The following IL1RAPL2 variants were observed in gnomAD, a reference collection of about 807,000 sequenced individuals.
The protein encoded by IL1RAPL2 is interleukin 1 receptor accessory protein like 2, also known as X-linked interleukin-1 receptor accessory protein-like 2.
In IL1RAPL2, 3 loss-of-function variants were observed where a neutral mutation model predicts 44.1. The observed-to-expected ratio is 0.07, with a 90% CI of 0.03 to 0.18. The LOEUF (loss-of-function observed/expected upper bound fraction) is 0.18. Among genes scored for constraint, IL1RAPL2 ranks in the 10% least tolerant of loss-of-function variants. The probability of loss-of-function intolerance (pLI) is 1.00; values close to 1 mark genes in which losing one functional copy is unlikely to be tolerated. For missense variants in IL1RAPL2, 391 were observed against 496.4 expected (o/e 0.79, Z 2.02); for synonymous variants, 181 against 178.8 (o/e 1.01, Z -0.10).
intron 6 of IL1RAPL2, among the ~76,000 whole-genome samples, chrX:105,555,085 T>C (rs1348526834): frequency 9.1e-5 from 10 of 109,481 alleles, no homozygotes; most frequent in Non-Finnish European, 1.9e-4. Flanking sequence ...TGTTTTTTTT[T>C]TTTTTTTTCT....
chrX:105,560,331 A>G (rs903322031), intron 6 of IL1RAPL2, among the ~76,000 whole-genome samples: 1 of 112,281 alleles, frequency 8.9e-6, no homozygotes, highest in Non-Finnish European at 1.9e-5. Context: ...TGTGGGCGAC[A>G]TCTTGCACCC....
At chrX:104,848,703 A>G (rs1252494840) in intron 2 of IL1RAPL2, among the ~76,000 whole-genome samples, 1 of 108,538 alleles carries the variant, frequency 9.2e-6, no homozygotes, top group East Asian at 2.9e-4. Context: ...TAATCTAGGA[A>G]GAACTTTTGA....
At chrX:104,931,814 A>C (rs2147697433) in intron 2 of IL1RAPL2, among the ~76,000 whole-genome samples, 1 of 109,941 alleles carries the variant, frequency 9.1e-6, no homozygotes, top group Admixed American at 9.8e-5. Flanking sequence ...TCCTATGCTA[A>C]ATTAAAATAA....
chrX:104,741,212 G>GT (rs748603337), intron 2 of IL1RAPL2, among the ~76,000 whole-genome samples: 1 of 111,404 alleles, frequency 9.0e-6, no homozygotes, highest in Non-Finnish European at 1.9e-5. Context: ...TTAAATTGGA[G>GT]TTTCTCTAGT....
At chrX:105,187,529 A>T (rs1284157759) in intron 2 of IL1RAPL2, among the ~76,000 whole-genome samples, 1 of 112,246 alleles carries the variant, frequency 8.9e-6, no homozygotes, top group East Asian at 2.8e-4. Flanking sequence ...ATACACACAC[A>T]CAATGGAATA....
intron 6 of IL1RAPL2, among the ~76,000 whole-genome samples, chrX:105,580,096 G>T (rs1326788533): frequency 8.9e-6 from 1 of 111,859 alleles, no homozygotes; most frequent in Non-Finnish European, 1.9e-5. Context: ...ACACTCAGTA[G>T]ATGTGTTGGT....
At chrX:105,125,101 T>C (rs1204722941) in intron 2 of IL1RAPL2, among the ~76,000 whole-genome samples, 1 of 110,935 alleles carries the variant, frequency 9.0e-6, no homozygotes, top group Non-Finnish European at 1.9e-5. Context: ...TTTAAGCTGC[T>C]TGTTGTTGAT....
chrX:104,872,814 C>T (rs1922801928), intron 2 of IL1RAPL2, among the ~76,000 whole-genome samples: 1 of 110,957 alleles, frequency 9.0e-6, no homozygotes, highest in East Asian at 2.8e-4. Context: ...AACCCATGAC[C>T]TATTTATATC....
intron 6 of IL1RAPL2, among the ~76,000 whole-genome samples, chrX:105,553,408 TA>T (rs1306621872): frequency 9.0e-6 from 1 of 111,585 alleles, no homozygotes; most frequent in African/African-American, 3.3e-5. Flanking sequence ...AGAAAGTAGC[TA>T]AAAGGAATTT....
At chrX:104,608,752 T>A (rs1401181764) in intron 1 of IL1RAPL2, among the ~76,000 whole-genome samples, 1 of 104,560 alleles carries the variant, frequency 9.6e-6, no homozygotes, top group Non-Finnish European at 1.9e-5. Flanking sequence ...TCTTTGCACA[T>A]GAGATGGGTC....
At chrX:105,499,871 TACCA>T (rs2036380919) in intron 6 of IL1RAPL2, among the ~76,000 whole-genome samples, 1 of 111,876 alleles carries the variant, frequency 8.9e-6, no homozygotes, top group Non-Finnish European at 1.9e-5. Context: ...AAAATAAAAC[TACCA>T]TATCATCCAG....
At chrX:104,623,116 T>C (rs1363372082) in intron 1 of IL1RAPL2, among the ~76,000 whole-genome samples, 1 of 111,426 alleles carries the variant, frequency 9.0e-6, no homozygotes, top group African/African-American at 3.3e-5. Context: ...AAGTTGCTTG[T>C]ATTTATCCAC....
intron 5 of IL1RAPL2, among the ~76,000 whole-genome samples, chrX:105,325,152 T>G (rs1318147118): frequency 9.0e-6 from 1 of 111,498 alleles, no homozygotes; most frequent in Non-Finnish European, 1.9e-5. Context: ...AGCCCAATTT[T>G]AGCATATTTC....
intron 4 of IL1RAPL2, among the ~76,000 whole-genome samples, chrX:105,257,177 C>T: frequency 8.9e-6 from 1 of 111,862 alleles, no homozygotes; most frequent in Non-Finnish European, 1.9e-5. Flanking sequence ...TTAATTTCTG[C>T]CTTTATTTCA....
intron 2 of IL1RAPL2, among the ~76,000 whole-genome samples, chrX:104,717,913 T>C (rs1181790425): frequency 9.1e-6 from 1 of 110,441 alleles, no homozygotes; most frequent in Admixed American, 9.7e-5. Context: ...GCTTCATCCA[T>C]GTCCCTACAA....
In IL1RAPL2 at chrX:105,018,311, A is replaced by G. The variant is rs960480732; in HGVS notation, c.83-177164A>G. 3.6e-5 allele frequency among the ~76,000 whole-genome samples: 4 copies of G among 111,053 alleles called. No individual in the cohort carries two copies. The Admixed American group carries it at 3.8e-4, about 11-fold the overall frequency. On this transcript the variant is annotated intron_variant, in intron 2 of 10. Transcript: ENST00000372582. ...AGCCATGAATGAACACATCATGGTT[A>G]TTTGTTATCCTGTGACTTTTTATGT...
intron 2 of IL1RAPL2, among the ~76,000 whole-genome samples, chrX:105,107,415 A>G (rs1233184122): frequency 8.9e-6 from 1 of 112,350 alleles, no homozygotes; most frequent in Non-Finnish European, 1.9e-5. Context: ...AAAATAGGAA[A>G]ACAGCTGGCT....
chrX:105,198,645 T>C (rs1014669165), intron 3 of IL1RAPL2, among the ~76,000 whole-genome samples: 4 of 112,114 alleles, frequency 3.6e-5, no homozygotes, highest in Non-Finnish European at 7.5e-5. Flanking sequence ...GCCTCTTTTC[T>C]GTTTCAGTAT....
intron 2 of IL1RAPL2, among the ~76,000 whole-genome samples, chrX:105,133,693 C>T (rs1003222179): frequency 5.4e-5 from 6 of 111,751 alleles, no homozygotes; most frequent in Non-Finnish European, 1.1e-4. Flanking sequence ...GGTCAAGGCA[C>T]CAGCAGATTT....
Sources: gnomAD v4.1 joint callset for allele counts (sites outside exome capture counted in the v4.1 genomes callset) on GRCh38, gnomAD v4.1.1 for gene constraint, MANE v1.5 for transcripts, NCBI Gene and HGNC (gene_info 2026-07-23, HGNC 2026-07-21) for gene names.